Variants in COPB1 observed in about 807,000 individuals in gnomAD.
The protein encoded by COPB1 is coatomer subunit beta.
In COPB1, 21 loss-of-function variants were observed where a neutral mutation model predicts 108.7. The observed-to-expected ratio is 0.19, with a 90% CI of 0.14 to 0.28. COPB1 has a LOEUF of 0.28. Ranked by LOEUF, COPB1 falls within the 10% of genes least tolerant of loss-of-function variation. The pLI is 1.00. For missense variants in COPB1, 919 were observed against 1,141.3 expected (o/e 0.81, Z 2.81); for synonymous variants, 378 against 386.8 (o/e 0.98, Z 0.27).
Position 14,461,242 on chromosome 11 carries a change from T to C in COPB1, c.2500A>G (p.Thr834Ala), listed in dbSNP as rs141814251. The change falls in exon 19 of 22, where the codon ACT becomes GCT. Residue 834 changes from threonine (T) to alanine (A), a missense_variant. This residue lies in a region of COPB1 where 705 missense variants were observed against 817.8 expected (regional missense o/e 0.86). Transcript: ENST00000439561. ...TGACGGAATTCTGCATCAGTGCAAGTTGCAGGCTGGATATAGTCCATGATG... is the reference window on the plus strand; with the variant it reads ...TGACGGAATTCTGCATCAGTGCAAGCTGCAGGCTGGATATAGTCCATGATG... ...IDIMDYIQPA[T>A]CTDAEFRQMW... 14 of 1,614,040 alleles carry C rather than the reference T, an allele frequency of 8.7e-6. No individual in the cohort carries two copies. Among genetic ancestry groups the C allele is most frequent in the Admixed American group, 3.3e-5 (2 of 60,000 alleles).
chr11:14,465,908 T>A (rs1386999493), intron 17 of COPB1, among the ~76,000 whole-genome samples: 1 of 152,208 alleles, frequency 6.6e-6, no homozygotes, highest in African/African-American at 2.4e-5. Context: ...TTTGGTCACA[T>A]GTGGTATCTA....
intron 7 of COPB1, among the ~76,000 whole-genome samples, chr11:14,485,764 C>T (rs1021929714): frequency 6.6e-6 from 1 of 152,128 alleles, no homozygotes; most frequent in Non-Finnish European, 1.5e-5. Flanking sequence ...AGGAGAATTG[C>T]TTAAACCCAG....
intron 7 of COPB1, 127 bp from the exon 8 acceptor site, chr11:14,483,278 C>T (rs559053695): frequency 5.7e-6 from 3 of 522,688 alleles, no homozygotes; most frequent in Admixed American, 3.1e-5. Flanking sequence ...AGCCAAAATA[C>T]ACTCATTAAT....
chr11:14,461,874 T>C (rs922072840), intron 18 of COPB1, among the ~76,000 whole-genome samples: 1 of 152,198 alleles, frequency 6.6e-6, no homozygotes, highest in Non-Finnish European at 1.5e-5. Context: ...CTACAGATGC[T>C]CAAGTCCCTG....
intron 18 of COPB1, among the ~76,000 whole-genome samples, chr11:14,462,233 C>CTTTTTTT (rs928263474): frequency 2.2e-5 from 3 of 134,198 alleles, no homozygotes; most frequent in African/African-American, 5.4e-5. Context: ...CTTTTCTTTT[C>CTTTTTTT]TTTTTTTTTT....
intron 18 of COPB1, among the ~76,000 whole-genome samples, chr11:14,462,494 A>T (rs1166748431): frequency 6.6e-6 from 1 of 151,986 alleles, no homozygotes; most frequent in African/African-American, 2.4e-5. Context: ...GGCCTCCCAA[A>T]GTGCTGGGAT....
At chr11:14,486,924 G>A (rs1850787927) in intron 6 of COPB1, among the ~76,000 whole-genome samples, 1 of 152,156 alleles carries the variant, frequency 6.6e-6, no homozygotes. Flanking sequence ...CATTAACCCA[G>A]TACACTAATA....
chr11:14,468,879 A>T lies in COPB1; in HGVS notation c.1966-19T>A. ...ATTCTTTCTGTGTTGAGAATATAAC[A>T]AAGTCTCTCTTTAATATGAAAAGAT... On this transcript the variant is annotated intron_variant, in intron 15 of 21. Transcript: ENST00000439561. The T allele has an allele frequency of 6.2e-7, 1 of 1,600,874 alleles. No individual in the cohort carries two copies. The highest frequency in any genetic ancestry group is 8.5e-7 in the Non-Finnish European group (1 of 1,171,420).
chr11:14,467,659 T>C (rs1250553691), intron 16 of COPB1, among the ~76,000 whole-genome samples: 1 of 152,204 alleles, frequency 6.6e-6, no homozygotes, highest in Admixed American at 6.5e-5. Context: ...GATGGATATA[T>C]GGATAAACAA....
In COPB1 at chr11:14,476,544, T is replaced by C. The variant is rs200580315; in HGVS notation, c.1455+375A>G. Among the ~76,000 whole-genome samples the C allele has an allele frequency of 5.3e-5, 8 of 152,216 alleles. No homozygotes were observed. The East Asian group carries it at 1.2e-3, about 22-fold the overall frequency. Reference sequence around the variant, plus strand: ...ATGTCAAGTTAGGTTGAGGAACTTATATTCAAGGTCCTCCAGCTAACTGTC... The same window carrying C: ...ATGTCAAGTTAGGTTGAGGAACTTACATTCAAGGTCCTCCAGCTAACTGTC... On this transcript the variant is annotated intron_variant, in intron 12 of 21. Coordinates refer to ENST00000439561, the MANE Select transcript of COPB1 (RefSeq NM_001144061.2).
At chr11:14,458,474 TA>T in intron 21 of COPB1, 57 bp downstream of exon 21, 1 of 1,507,978 alleles carries the variant, frequency 6.6e-7, no homozygotes, top group South Asian at 1.3e-5. Flanking sequence ...AATAAAGTCA[TA>T]AATTCCTCCC....
At chr11:14,493,839 C>G in intron 3 of COPB1, 28 bp from the exon 4 acceptor site, 7 of 1,489,686 alleles carry the variant, frequency 4.7e-6, no homozygotes, top group Non-Finnish European at 6.3e-6. Flanking sequence ...ATATGAAATG[C>G]TGAGTTTCAG....
chr11:14,487,639 C>T (rs1379107230), intron 6 of COPB1, among the ~76,000 whole-genome samples: 1 of 151,640 alleles, frequency 6.6e-6, no homozygotes, highest in Non-Finnish European at 1.5e-5. Context: ...CGCACCACTG[C>T]ACTCCAGCCT....
chr11:14,478,680 G>C, intron 11 of COPB1, among the ~76,000 whole-genome samples: 1 of 151,522 alleles, frequency 6.6e-6, no homozygotes, highest in Non-Finnish European at 1.5e-5. Context: ...TCCAACTCCT[G>C]ACATCCAGCA....
At chr11:14,480,394 T>C (rs1036843195) in intron 10 of COPB1, among the ~76,000 whole-genome samples, 5 of 152,212 alleles carry the variant, frequency 3.3e-5, no homozygotes, top group South Asian at 4.1e-4. Context: ...ATATTCTACA[T>C]ATGTGAATTT....
intron 16 of COPB1, among the ~76,000 whole-genome samples, 167 bp downstream of exon 16, chr11:14,468,514 C>T (rs564957343): frequency 8.5e-5 from 13 of 152,316 alleles, no homozygotes; most frequent in African/African-American, 2.4e-4. Flanking sequence ...AGTACTATCA[C>T]ATATAGTAGT....
chr11:14,489,753 CAG>C (rs1371920973), intron 5 of COPB1, among the ~76,000 whole-genome samples: 1 of 152,032 alleles, frequency 6.6e-6, no homozygotes. Flanking sequence ...TTAATGGGTA[CAG>C]AGTTTCAGTT....
At chr11:14,498,640 G>A (rs1332449845) in intron 2 of COPB1, among the ~76,000 whole-genome samples, 198 bp downstream of exon 2, 1 of 152,118 alleles carries the variant, frequency 6.6e-6, no homozygotes, top group Admixed American at 6.6e-5. Context: ...GGTTTACTAA[G>A]ATAAACTGAG....
At chr11:14,459,789 G>C (rs1850105698) in intron 20 of COPB1, among the ~76,000 whole-genome samples, 1 of 151,920 alleles carries the variant, frequency 6.6e-6, no homozygotes, top group African/African-American at 2.4e-5. Context: ...GGTAATTTTT[G>C]TATTTTTAGT....
Sources: allele counts gnomAD v4.1 joint callset (sites outside exome capture counted in the v4.1 genomes callset), GRCh38; gene constraint gnomAD v4.1.1; regional missense constraint gnomAD v4.1.1; transcripts MANE v1.5; gene names NCBI Gene and HGNC (gene_info 2026-07-23, HGNC 2026-07-21).